Variants in CTRC observed in about 807,000 individuals in gnomAD.
CTRC encodes the protein chymotrypsin C, also known as chymotrypsin-C.
CTRC carries 32 observed loss-of-function variants against 35.7 expected under a neutral mutation model. That is an observed-to-expected ratio of 0.90 (90% CI 0.68 to 1.20). The LOEUF (loss-of-function observed/expected upper bound fraction) is 1.20. Ranked by LOEUF, CTRC falls within the 50% of genes most tolerant of loss-of-function variation. The probability of loss-of-function intolerance (pLI) is 0.00; values close to 1 mark genes in which losing one functional copy is unlikely to be tolerated. For synonymous variants in CTRC, 119 were observed against 149.5 expected, an observed-to-expected ratio of 0.80 and a Z score of 1.49; for missense variants, 324 against 361.5, an observed-to-expected ratio of 0.90 and a Z score of 0.84.
chr1:15,446,568 C>T lies in CTRC; in HGVS notation c.793-7C>T, dbSNP rs754477380. The stretch of plus-strand genomic sequence containing the variant: ...TGAGTCTCTCACACTGTTCTCTGCT[C>T]CTCCAGAAAATGCAGCTGTGATTTG... On this transcript the variant is annotated splice_region_variant and splice_polypyrimidine_tract_variant and intron_variant, in intron 7 of 7. Coordinates refer to ENST00000375949, the MANE Select transcript of CTRC (RefSeq NM_007272.3). 6.2e-7 allele frequency: 1 copy of T among 1,614,196 alleles called. No individual in the cohort carries two copies. The highest frequency in any genetic ancestry group is 1.1e-5 in the South Asian group (1 of 91,086).
intron 5 of CTRC, 41 bp downstream of exon 5, chr1:15,443,596 G>A: frequency 6.2e-7 from 1 of 1,613,902 alleles, no homozygotes; most frequent in South Asian, 1.1e-5. Context: ...CCTTCCTGAA[G>A]GAAGCAGGAC....
At chr1:15,446,134 C>T (rs536401908) in intron 7 of CTRC, among the ~76,000 whole-genome samples, 1 of 152,338 alleles carries the variant, frequency 6.6e-6, no homozygotes, top group East Asian at 1.9e-4. Context: ...TTGAGTGCTT[C>T]CAGTAGCAGG....
intron 3 of CTRC, among the ~76,000 whole-genome samples, chr1:15,441,360 T>C (rs1708129241): frequency 6.6e-6 from 1 of 152,036 alleles, no homozygotes; most frequent in African/African-American, 2.4e-5. Context: ...GAGGAAATCA[T>C]GGATCTAGGA....
rs950646255 is a variant in CTRC, at chr1:15,446,793, G to A, written c.*204G>A. 69 of 685,780 alleles carry A rather than the reference G, an allele frequency of 1.0e-4. No homozygotes were observed. The Admixed American group carries it at 1.2e-3, about 12-fold the overall frequency. 42.5% of individuals were successfully genotyped at this position (685,780 alleles called of 1,614,324 possible). On this transcript the variant is annotated 3_prime_UTR_variant, in exon 8 of 8. Coordinates refer to ENST00000375949, the MANE Select transcript of CTRC (RefSeq NM_007272.3). ...TTAGACAGGTGGGGAAACAGAGGCC[G>A]GGAGAGAGGGCCAAGGAAGGAGCCT... is the stretch of plus-strand genomic sequence containing the variant.
intron 7 of CTRC, among the ~76,000 whole-genome samples, 162 bp downstream of exon 7, chr1:15,445,911 T>A (rs923128612): frequency 2.6e-5 from 4 of 152,234 alleles, no homozygotes; most frequent in African/African-American, 9.7e-5. Context: ...TTTATTCACT[T>A]ATTCAGTCAC....
At position 15,442,472 on chromosome 1, in the gene CTRC, G is replaced by T; in HGVS notation, c.256G>T (p.Val86Leu). The change falls in exon 4 of 8, where the codon GTG (valine) becomes TTG (leucine). Residue 86 changes from valine (V) to leucine (L), a missense_variant. Transcript: ENST00000375949. ...ISNTRTYRVA[V>L]GKNNLEVEDE... ...CAACACCCGGACCTACCGTGTGGCC[G>T]TGGGAAAGAACAACCTGGAGGTGGA... is the stretch of plus-strand genomic sequence containing the variant. The T allele has an allele frequency of 6.2e-7, 1 of 1,614,022 alleles. No homozygotes were observed. Among genetic ancestry groups the T allele is most frequent in the South Asian group, 1.1e-5 (1 of 91,060 alleles).
chr1:15,441,128 C>T (rs968455319), intron 3 of CTRC, among the ~76,000 whole-genome samples: 4 of 151,994 alleles, frequency 2.6e-5, no homozygotes, highest in South Asian at 2.1e-4. Context: ...TGCAATGAGC[C>T]GAGATGGCGC....
At chr1:15,444,417 C>T (rs112342027) in intron 5 of CTRC, among the ~76,000 whole-genome samples, 189 bp from the exon 6 acceptor site, 7 of 152,068 alleles carry the variant, frequency 4.6e-5, no homozygotes, top group Admixed American at 3.9e-4. Flanking sequence ...TTCCTTCTGC[C>T]GGCAGCCTGC....
chr1:15,440,226 G>GGGGGGC (rs1353416452), intron 1 of CTRC, 74 bp from the exon 2 acceptor site: 1 of 523,580 alleles, frequency 1.9e-6, no homozygotes, highest in Non-Finnish European at 3.7e-6. Flanking sequence ...TCTTCCACCT[G>GGGGGGC]CCCACCCTCC....
chr1:15,445,801 C>T (rs934703556), intron 7 of CTRC, 52 bp downstream of exon 7: 8 of 1,602,234 alleles, frequency 5.0e-6, no homozygotes, highest in African/African-American at 4.0e-5. Context: ...CTCCCCCTCA[C>T]TCACCCATCC....
At position 15,443,927 on chromosome 1, in the gene CTRC, G is replaced by C. The variant is rs1471494550; in HGVS notation, c.493+372G>C. Among the ~76,000 whole-genome samples, 4 of 152,264 alleles carry C rather than the reference G, an allele frequency of 2.6e-5. No individual in the cohort carries two copies. In the East Asian group the frequency reaches 7.7e-4, roughly 29 times the overall value. ...AAATGCAAATCATGAAACTATGGGA[G>C]ACTTAGAAAATGCAGATCACTATTT... On this transcript the variant is annotated intron_variant, in intron 5 of 7. Transcript: ENST00000375949.
chr1:15,439,378 G>A (rs1258869543), intron 1 of CTRC, among the ~76,000 whole-genome samples: 2 of 149,308 alleles, frequency 1.3e-5, no homozygotes, highest in Admixed American at 6.7e-5. Context: ...AGCCGAGATC[G>A]CGCCATCAAA....
At chr1:15,445,855 T>TATTCACTCATTCATGCATTTATTCACTC (rs1708211004) in intron 7 of CTRC, 106 bp downstream of exon 7, 3 of 1,336,682 alleles carry the variant, frequency 2.2e-6, no homozygotes, top group African/African-American at 1.4e-5. Flanking sequence ...TTCATTCATT[T>TATTCACTCATTCATGCATTTATTCACTC]ATTCACTCAT....
At position 15,442,237 on chromosome 1, in the gene CTRC, A is replaced by G. The variant is rs2549316; in HGVS notation, c.231-210A>G. On this transcript the variant is annotated intron_variant, in intron 3 of 7. Transcript: ENST00000375949. ...CTTACAGATGAGGGAACTGAGGCAC[A>G]AGGCTACACAGCCAGGAGCAGCAAA... 0.56 allele frequency among the ~76,000 whole-genome samples: 84,492 copies of G among 151,974 alleles called. 24,614 individuals carry two copies. The highest frequency in any genetic ancestry group is 0.73 in the African/African-American group (30,369 of 41,444).
chr1:15,442,714 C>T lies in CTRC; in HGVS notation c.356+142C>T, dbSNP rs750311463. 21 of 1,145,132 alleles carry T rather than the reference C, an allele frequency of 1.8e-5. No homozygotes were observed. In the South Asian group the frequency reaches 2.2e-4, roughly 12 times the overall value. 70.9% of individuals were successfully genotyped at this position (1,145,132 alleles called of 1,614,324 possible). ...AAAGCCAGCAAATGACTGTCTTACA[C>T]AAAATGGCAAAATGCTAAGTGGAGA... On this transcript the variant is annotated intron_variant, in intron 4 of 7. Transcript: ENST00000375949.
intron 1 of CTRC, among the ~76,000 whole-genome samples, chr1:15,439,286 C>T (rs1049068866): frequency 1.3e-5 from 2 of 151,922 alleles, no homozygotes; most frequent in South Asian, 2.1e-4. Flanking sequence ...ATTAGCCAGG[C>T]GTGGTGGCGG....
chr1:15,446,688 T>A lies in CTRC; in HGVS notation c.*99T>A. 1 of 1,381,232 alleles carries A rather than the reference T, an allele frequency of 7.2e-7. No homozygotes were observed. 85.6% of individuals were successfully genotyped at this position (1,381,232 alleles called of 1,614,324 possible). On this transcript the variant is annotated 3_prime_UTR_variant, in exon 8 of 8. Transcript: ENST00000375949. ...CTTGATTTGTGCAGCTTCTGTTGCT[T>A]CCCTCCTCTCTGGTGCTGCCCCTTT...
intron 5 of CTRC, 116 bp from the exon 6 acceptor site, chr1:15,444,490 G>A: frequency 7.7e-7 from 1 of 1,298,044 alleles, no homozygotes; most frequent in South Asian, 1.2e-5. Flanking sequence ...TCCGCACACT[G>A]TCTCAGCCGG....
intron 5 of CTRC, among the ~76,000 whole-genome samples, chr1:15,444,384 A>ACAACT (rs1339628109): frequency 3.3e-5 from 5 of 152,196 alleles, no homozygotes; most frequent in Non-Finnish European, 7.3e-5. Flanking sequence ...CAACTTAAAG[A>ACAACT]CAACTCAACT....
Sources: gnomAD v4.1 joint callset for allele counts (sites outside exome capture counted in the v4.1 genomes callset) on GRCh38, gnomAD v4.1.1 for gene constraint, MANE v1.5 for transcripts, NCBI Gene and HGNC (gene_info 2026-07-23, HGNC 2026-07-21) for gene names.